Variants in IQCH observed in about 807,000 individuals in gnomAD.
The protein encoded by IQCH is IQ domain-containing protein H.
A neutral mutation model predicts 117.0 loss-of-function variants in IQCH; 98 were observed. The observed-to-expected ratio is 0.84, with a 90% CI of 0.71 to 0.99. The LOEUF (loss-of-function observed/expected upper bound fraction) is 0.99, where lower values mean the gene tolerates loss of function less well. Ranked by LOEUF, IQCH falls within the 50% of genes least tolerant of loss-of-function variation. The probability of loss-of-function intolerance (pLI) is 0.00; values close to 1 mark genes in which losing one functional copy is unlikely to be tolerated. For missense variants in IQCH, 1,102 were observed against 1,243.8 expected, an observed-to-expected ratio of 0.89 and a Z score of 1.72; for synonymous variants, 412 against 448.2, an observed-to-expected ratio of 0.92 and a Z score of 1.02.
chr15:67,493,322 A>G lies in IQCH; in HGVS notation c.2862-936A>G, dbSNP rs2083711685. On this transcript the variant is annotated intron_variant, in intron 19 of 20. Coordinates refer to ENST00000335894, the MANE Select transcript of IQCH (RefSeq NM_001031715.3). This position sits in a 1 kb window ranked among gnomAD's most constrained non-coding sequence, Gnocchi z 5.1. Reference sequence around the variant, plus strand: ...TAGGTGGTCTGTCTCCTGATCCTGAACTTGGTGTTCCTTTCACTATACCAC... The same window carrying G: ...TAGGTGGTCTGTCTCCTGATCCTGAGCTTGGTGTTCCTTTCACTATACCAC... 6.6e-6 allele frequency among the ~76,000 whole-genome samples: 1 copy of G among 152,132 alleles called. No homozygotes were observed. The highest frequency in any genetic ancestry group is 2.1e-4 in the South Asian group (1 of 4,824).
intron 14 of IQCH, among the ~76,000 whole-genome samples, chr15:67,414,514 T>C (rs1033927479): frequency 6.6e-6 from 1 of 151,968 alleles, no homozygotes; most frequent in Non-Finnish European, 1.5e-5. Flanking sequence ...CCAGAGGCCA[T>C]ATCACAGAGG....
rs571754068 is a variant in IQCH, at chr15:67,436,216, C to T, written c.2505+14639C>T. Among the ~76,000 whole-genome samples the T allele has an allele frequency of 7.2e-5, 11 of 152,186 alleles. No individual in the cohort carries two copies. The highest frequency in any genetic ancestry group is 2.2e-4 in the African/African-American group (9 of 41,530). On this transcript the variant is annotated intron_variant, in intron 16 of 20. Transcript: ENST00000335894. This position sits in a 1 kb window ranked among gnomAD's most constrained non-coding sequence, Gnocchi z 5.1. ...AGGAAGCCGACTGCTCCTGCAGGAC[C>T]CAGGAGACACCCCAAATACTGTGAG...
chr15:67,262,980 T>C (rs1418133926), intron 2 of IQCH, 142 bp from the exon 3 acceptor site: 3 of 631,934 alleles, frequency 4.7e-6, no homozygotes, highest in Non-Finnish European at 8.4e-6. Flanking sequence ...AGATGCCTAA[T>C]GATACCTTAG....
At chr15:67,358,939 G>A (rs971529792) in intron 7 of IQCH, among the ~76,000 whole-genome samples, 1 of 152,216 alleles carries the variant, frequency 6.6e-6, no homozygotes, top group East Asian at 1.9e-4. Context: ...CACCCCAGTT[G>A]CCATGGCAAA....
At position 67,473,062 on chromosome 15, in the gene IQCH, G is replaced by T. The variant is rs2083112044; in HGVS notation, c.2677-2634G>T. Among the ~76,000 whole-genome samples the T allele has an allele frequency of 6.6e-6, 1 of 152,180 alleles. No individual in the cohort carries two copies. Among genetic ancestry groups the T allele is most frequent in the Non-Finnish European group, 1.5e-5 (1 of 68,040 alleles). ...GCCTGCCTGCCTACCTCTCTTGCTG[G>T]CTGGGGTCTGGTCTTGGTTTTTCTT... On this transcript the variant is annotated intron_variant, in intron 17 of 20. Coordinates refer to ENST00000335894, the MANE Select transcript of IQCH (RefSeq NM_001031715.3). This position sits in a 1 kb window ranked among gnomAD's most constrained non-coding sequence, Gnocchi z 4.9.
At chr15:67,437,998 C>T (rs932969412) in intron 16 of IQCH, among the ~76,000 whole-genome samples, 2 of 152,136 alleles carry the variant, frequency 1.3e-5, no homozygotes, top group African/African-American at 4.8e-5. Flanking sequence ...AGGAAAACTT[C>T]CCCGGCCTTG....
At chr15:67,324,401 A>G (rs1376013416) in intron 4 of IQCH, among the ~76,000 whole-genome samples, 2 of 151,756 alleles carry the variant, frequency 1.3e-5, no homozygotes, top group African/African-American at 2.4e-5. Flanking sequence ...ATTGAGGTCC[A>G]GAGTTCGAGA....
Position 67,359,876 on chromosome 15 carries a change from T to A in IQCH, c.744T>A (p.His248Gln), listed in dbSNP as rs780943622. The A allele has an allele frequency of 7.1e-6, 11 of 1,548,956 alleles. No homozygotes were observed. The South Asian group carries it at 1.2e-4, about 17-fold the overall frequency. The part of the protein sequence containing the change: ...KGKSRRSRGH[H>Q]DRKAMKVKTP... ...AAAGCAGAAGGTCAAGAGGACATCA[T>A]GATAGGAAGGTCTGTAATTTGTGTG... Residue 248 changes from histidine (H) to glutamine (Q), a missense_variant, in exon 8 of 21, where the codon CAT (histidine) becomes CAA (glutamine). His to Gln is a conservative substitution (Grantham distance 24). This residue lies in a region of IQCH where 452 missense variants were observed against 449.6 expected (regional missense o/e 1.01). Coordinates refer to ENST00000335894, the MANE Select transcript of IQCH (RefSeq NM_001031715.3). The surrounding 1 kb of genome is among the most constrained non-coding windows in gnomAD (Gnocchi z 4.5).
At chr15:67,348,956 A>G (rs1596234397) in intron 6 of IQCH, among the ~76,000 whole-genome samples, 1 of 152,250 alleles carries the variant, frequency 6.6e-6, no homozygotes, top group East Asian at 1.9e-4. Context: ...AGAACCACAC[A>G]TACTTGGTCA....
rs1312718531 is a variant in IQCH at position 67,458,334 on chromosome 15, G to A, written c.2506-6793G>A. ...ACCTTTGGCTCCTTTTTCTCATACTGCACATCCAATCCATCAATAAGTCCT... is the reference window on the plus strand; with the variant it reads ...ACCTTTGGCTCCTTTTTCTCATACTACACATCCAATCCATCAATAAGTCCT... On this transcript the variant is annotated intron_variant, in intron 16 of 20. Transcript: ENST00000335894. The surrounding 1 kb of genome is among the most constrained non-coding windows in gnomAD (Gnocchi z 4.1). Among the ~76,000 whole-genome samples, 5 of 152,132 alleles carry A rather than the reference G, an allele frequency of 3.3e-5. No homozygotes were observed.
At position 67,376,365 on chromosome 15, in the gene IQCH, G is replaced by A. The variant is rs1024448027; in HGVS notation, c.1372+2932G>A. 6.6e-6 allele frequency among the ~76,000 whole-genome samples: 1 copy of A among 152,180 alleles called. No individual in the cohort carries two copies. Among genetic ancestry groups the A allele is most frequent in the Admixed American group, 6.5e-5 (1 of 15,276 alleles). On this transcript the variant is annotated intron_variant, in intron 10 of 20. Transcript: ENST00000335894. This position sits in a 1 kb window ranked among gnomAD's most constrained non-coding sequence, Gnocchi z 5.0. Reference sequence around the variant, plus strand: ...GCAAATTTTTTCTCTAAATGTACTGGAAGAAAACTAATCTATTCAATCTAG... The same window carrying A: ...GCAAATTTTTTCTCTAAATGTACTGAAAGAAAACTAATCTATTCAATCTAG...
intron 15 of IQCH, among the ~76,000 whole-genome samples, chr15:67,420,344 G>A (rs1429396691): frequency 6.6e-6 from 1 of 152,124 alleles, no homozygotes; most frequent in Non-Finnish European, 1.5e-5. Context: ...GTAGGCAGAG[G>A]TCACACTTCT....
At position 67,337,254 on chromosome 15, in the gene IQCH, G is replaced by A. The variant is rs1343485103; in HGVS notation, c.508+159G>A. Among the ~76,000 whole-genome samples the A allele has an allele frequency of 2.0e-5, 3 of 152,132 alleles. No individual in the cohort carries two copies. In the East Asian group the frequency reaches 5.8e-4, roughly 29 times the overall value. ...CACTCTGGTCTGAGTTTCCTGCTCT[G>A]TAAATTAAAAGGTTGGACAAGACGA... On this transcript the variant is annotated intron_variant, in intron 5 of 20. Coordinates refer to ENST00000335894, the MANE Select transcript of IQCH (RefSeq NM_001031715.3).
chr15:67,254,871 G>C lies in IQCH; in HGVS notation c.-26G>C. The stretch of plus-strand genomic sequence containing the variant: ...CCGTGCTTGGAAACCGCGCCTCCGC[G>C]GAGGTAGCCGTTCCCTGACCTAGCC... On this transcript the variant is annotated 5_prime_UTR_variant, in exon 1 of 21. Transcript: ENST00000335894. 6.2e-7 allele frequency: 1 copy of C among 1,611,414 alleles called. No individual in the cohort carries two copies. Among genetic ancestry groups the C allele is most frequent in the Non-Finnish European group, 8.5e-7 (1 of 1,178,476 alleles).
At chr15:67,333,968 G>GGATC (rs1216838021) in intron 4 of IQCH, among the ~76,000 whole-genome samples, 1 of 152,046 alleles carries the variant, frequency 6.6e-6, no homozygotes, top group African/African-American at 2.4e-5. Flanking sequence ...TGAGGTGGGA[G>GGATC]GATCATCTGA....
Position 67,424,114 on chromosome 15 carries a change from T to C in IQCH, c.2505+2537T>C, listed in dbSNP as rs2081824320. 6.6e-6 allele frequency among the ~76,000 whole-genome samples: 1 copy of C among 152,204 alleles called. No individual in the cohort carries two copies. The highest frequency in any genetic ancestry group is 2.4e-5 in the African/African-American group (1 of 41,452). ...CCCACCCTTCACTTGGCTGGTTCCA[T>C]GTACCTGGCCAGTCTTGTCTCACCC... is the stretch of plus-strand genomic sequence containing the variant. On this transcript the variant is annotated intron_variant, in intron 16 of 20. Transcript: ENST00000335894. The surrounding 1 kb of genome is among the most constrained non-coding windows in gnomAD (Gnocchi z 4.9).
rs749650156 is a variant in IQCH at position 67,432,823 on chromosome 15, A to G, written c.2505+11246A>G. Among the ~76,000 whole-genome samples, 3 of 152,212 alleles carry G rather than the reference A, an allele frequency of 2.0e-5. No homozygotes were observed. The highest frequency in any genetic ancestry group is 4.4e-5 in the Non-Finnish European group (3 of 68,038). ...CCCAGCACCTAGCACCCTGTCTAGC[A>G]TATAATAGATGTTCAATAAATATTT... is the stretch of plus-strand genomic sequence containing the variant. On this transcript the variant is annotated intron_variant, in intron 16 of 20. Coordinates refer to ENST00000335894, the MANE Select transcript of IQCH (RefSeq NM_001031715.3). This position sits in a 1 kb window ranked among gnomAD's most constrained non-coding sequence, Gnocchi z 5.0.
chr15:67,344,272 C>T (rs1170144098), intron 6 of IQCH, 81 bp downstream of exon 6: 7 of 1,332,040 alleles, frequency 5.3e-6, no homozygotes, highest in Non-Finnish European at 7.3e-6. Context: ...TAGTAGCCAA[C>T]TTTTGTCCTC....
rs2083640084 is a variant in IQCH at position 67,491,054 on chromosome 15, T to G, written c.2861+990T>G. On this transcript the variant is annotated intron_variant, in intron 19 of 20. Coordinates refer to ENST00000335894, the MANE Select transcript of IQCH (RefSeq NM_001031715.3). The surrounding 1 kb of genome is among the most constrained non-coding windows in gnomAD (Gnocchi z 4.9). ...CCCTCTATTTCTCTTCCTTGTAACC[T>G]CTACAGCAGTGTAGACATTGTGGCC... is the stretch of plus-strand genomic sequence containing the variant. 6.6e-6 allele frequency among the ~76,000 whole-genome samples: 1 copy of G among 152,224 alleles called. No homozygotes were observed. Among genetic ancestry groups the G allele is most frequent in the South Asian group, 2.1e-4 (1 of 4,834 alleles).
Sources: gnomAD v4.1 joint callset for allele counts (sites outside exome capture counted in the v4.1 genomes callset) on GRCh38, gnomAD v4.1.1 for gene constraint, gnomAD v4.1.1 regional missense constraint, Gnocchi (gnomAD v3.1) non-coding constraint, MANE v1.5 for transcripts, NCBI Gene and HGNC (gene_info 2026-07-23, HGNC 2026-07-21) for gene names.